Variants in FARP1 observed in about 807,000 individuals in gnomAD.
FARP1 encodes FERM, ARH/RhoGEF and pleckstrin domain protein 1.
A neutral mutation model predicts 128.8 loss-of-function variants in FARP1; 52 were observed. The observed-to-expected ratio is 0.40, with a 90% confidence interval of 0.32 to 0.51. The LOEUF (loss-of-function observed/expected upper bound fraction) is 0.51. FARP1 is among the 20% of genes least tolerant of loss of function. FARP1 has a pLI of 0.45. For synonymous variants in FARP1, 580 were observed against 551.8 expected, an observed-to-expected ratio of 1.05 and a Z score of -0.72; for missense variants, 1,333 against 1,367.9, an observed-to-expected ratio of 0.97 and a Z score of 0.40.
At position 98,160,751 on chromosome 13, in the gene FARP1, C is replaced by T. The variant is rs192926074; in HGVS notation, c.-24+17259C>T. Among the ~76,000 whole-genome samples, 280 of 152,250 alleles carry T rather than the reference C, an allele frequency of 1.8e-3. 2 individuals carry two copies. In the South Asian group the frequency reaches 0.027, roughly 15 times the overall value. ...CCATCTCGGCTCACTGCAACCTCCA[C>T]TTCCCGGTTCAAGTGATTCTCCTGC... On this transcript the variant is annotated intron_variant, in intron 1 of 26. Transcript: ENST00000319562.
chr13:98,202,390 G>A (rs530841825), intron 1 of FARP1, among the ~76,000 whole-genome samples: 4 of 152,242 alleles, frequency 2.6e-5, no homozygotes, highest in Non-Finnish European at 5.9e-5. Flanking sequence ...CACAGAAGTG[G>A]TTGGAGGACC....
chr13:98,250,969 C>T (rs536487509), intron 2 of FARP1, among the ~76,000 whole-genome samples: 1 of 152,216 alleles, frequency 6.6e-6, no homozygotes, highest in Non-Finnish European at 1.5e-5. Flanking sequence ...TTGTGTGGCC[C>T]CTGGTCTTTG....
intron 2 of FARP1, among the ~76,000 whole-genome samples, chr13:98,231,026 C>T (rs1594298967): frequency 6.6e-6 from 1 of 152,102 alleles, no homozygotes; most frequent in East Asian, 1.9e-4. Flanking sequence ...GAGACTTATT[C>T]ACTACCACGA....
chr13:98,243,537 T>TA (rs201143596), intron 2 of FARP1, among the ~76,000 whole-genome samples: 4,183 of 144,888 alleles, frequency 0.029, 89 homozygotes, highest in Non-Finnish European at 0.046. Context: ...CTACTAAAAA[T>TA]AAAAAAAAAA....
chr13:98,339,904 C>T (rs962720343), intron 2 of FARP1, among the ~76,000 whole-genome samples: 2 of 152,000 alleles, frequency 1.3e-5, no homozygotes, highest in Admixed American at 6.6e-5. Context: ...AGTGCTGGGG[C>T]GGCAAGGCTG....
chr13:98,247,065 A>G (rs897145132), intron 2 of FARP1, among the ~76,000 whole-genome samples: 10 of 152,176 alleles, frequency 6.6e-5, no homozygotes, highest in Admixed American at 5.9e-4. Context: ...CGTCTCTACT[A>G]AAAATACAAA....
At chr13:98,369,353 CTT>C (rs35605642) in intron 5 of FARP1, among the ~76,000 whole-genome samples, 25,851 of 139,036 alleles carry the variant, frequency 0.19, 2,283 homozygotes, top group East Asian at 0.32. Context: ...CAGCCTAATT[CTT>C]TTTTTTTTTT....
chr13:98,248,549 T>TA (rs1466445758), intron 2 of FARP1, among the ~76,000 whole-genome samples: 1 of 152,204 alleles, frequency 6.6e-6, no homozygotes, highest in Non-Finnish European at 1.5e-5. Flanking sequence ...GCTGAGTCCT[T>TA]ACCACACTGG....
At chr13:98,360,643 C>T (rs1179097285) in intron 3 of FARP1, among the ~76,000 whole-genome samples, 1 of 152,176 alleles carries the variant, frequency 6.6e-6, no homozygotes, top group Admixed American at 6.5e-5. Context: ...GTCTGTGGTA[C>T]TTCGTTATGG....
intron 1 of FARP1, among the ~76,000 whole-genome samples, chr13:98,169,266 T>C (rs1015186585): frequency 1.3e-5 from 2 of 152,216 alleles, no homozygotes; most frequent in African/African-American, 4.8e-5. Context: ...TTCACAACCA[T>C]CATTCAGGGG....
At chr13:98,233,014 G>C (rs1264332563) in intron 2 of FARP1, among the ~76,000 whole-genome samples, 1 of 152,186 alleles carries the variant, frequency 6.6e-6, no homozygotes, top group African/African-American at 2.4e-5. Flanking sequence ...AGGCCCTCAG[G>C]CTTTGAGGCT....
chr13:98,308,240 C>T (rs558155367), intron 2 of FARP1, among the ~76,000 whole-genome samples: 52 of 152,232 alleles, frequency 3.4e-4, no homozygotes, highest in Non-Finnish European at 6.8e-4. Flanking sequence ...AGGATGATAA[C>T]TGTCCTATCT....
intron 24 of FARP1, among the ~76,000 whole-genome samples, chr13:98,443,607 A>G (rs1892622591): frequency 6.6e-6 from 1 of 152,094 alleles, no homozygotes; most frequent in African/African-American, 2.4e-5. Context: ...GAAGGGGCGT[A>G]TCTGGGGACC....
chr13:98,151,923 A>G (rs1876041053), intron 1 of FARP1, among the ~76,000 whole-genome samples: 1 of 151,888 alleles, frequency 6.6e-6, no homozygotes, highest in Non-Finnish European at 1.5e-5. Flanking sequence ...CGGCCTCCCA[A>G]AGTGCTGGGA....
At chr13:98,349,378 A>G (rs1390265760) in intron 3 of FARP1, among the ~76,000 whole-genome samples, 1 of 152,140 alleles carries the variant, frequency 6.6e-6, no homozygotes, top group Non-Finnish European at 1.5e-5. Context: ...CTGTTTTATT[A>G]AAATGACATT....
intron 2 of FARP1, among the ~76,000 whole-genome samples, chr13:98,240,110 C>T (rs748000394): frequency 2.0e-5 from 3 of 152,122 alleles, no homozygotes; most frequent in Non-Finnish European, 2.9e-5. Context: ...TCTCTTCTAC[C>T]CTTGCACGGG....
intron 1 of FARP1, among the ~76,000 whole-genome samples, chr13:98,184,067 C>T (rs1413935766): frequency 6.6e-6 from 1 of 152,120 alleles, no homozygotes. Flanking sequence ...TTTTAAAATA[C>T]TTGAGAAGGG....
chr13:98,287,943 G>A (rs1196213373), intron 2 of FARP1, among the ~76,000 whole-genome samples: 4 of 151,760 alleles, frequency 2.6e-5, no homozygotes, highest in Non-Finnish European at 5.9e-5. Context: ...CTGGGACTAC[G>A]GGCACCCACC....
intron 13 of FARP1, 38 bp downstream of exon 13, chr13:98,395,514 C>T (rs898948396): frequency 3.3e-6 from 5 of 1,537,602 alleles, no homozygotes; most frequent in Non-Finnish European, 4.4e-6. Flanking sequence ...GCAGTACTTC[C>T]ATTCCTTTCA....
Sources: allele counts gnomAD v4.1 joint callset (sites outside exome capture counted in the v4.1 genomes callset), GRCh38; gene constraint gnomAD v4.1.1; transcripts MANE v1.5; gene names NCBI Gene and HGNC (gene_info 2026-07-23, HGNC 2026-07-21).